Variants in GET1 observed in about 807,000 individuals in gnomAD.
GET1 encodes guided entry of tail-anchored proteins factor 1.
A neutral mutation model predicts 22.6 loss-of-function variants in GET1; 20 were observed. The observed-to-expected ratio is 0.89, with a 90% CI of 0.62 to 1.29. The LOEUF (loss-of-function observed/expected upper bound fraction) is 1.29, where lower values mean the gene tolerates loss of function less well. Ranked by LOEUF, GET1 falls within the 50% of genes most tolerant of loss-of-function variation. The pLI is 0.00. For missense variants in GET1, 209 were observed against 219.9 expected, an observed-to-expected ratio of 0.95 and a Z score of 0.31; for synonymous variants, 92 against 83.8, an observed-to-expected ratio of 1.10 and a Z score of -0.53.
At chr21:39,412,313 C>CG (rs771931249) in intron 1 of GET1, among the ~76,000 whole-genome samples, 98 of 152,046 alleles carry the variant, frequency 6.4e-4, no homozygotes, top group African/African-American at 2.1e-3. Context: ...AGACAAGGGC[C>CG]GGGGGGGAAG....
At chr21:39,400,160 AGGT>A (rs2147022950), downstream of GET1, among the ~76,000 whole-genome samples, 1 of 151,758 alleles carries the variant, frequency 6.6e-6, no homozygotes, top group South Asian at 2.1e-4. Flanking sequence ...ATCATGGGAG[AGGT>A]GTGTGTGTGT....
Position 39,397,407 on chromosome 21 carries a change from T to C in GET1, c.*468T>C, listed in dbSNP as rs1442320310. On this transcript the variant is annotated 3_prime_UTR_variant, in exon 5 of 5. Coordinates refer to ENST00000649170, the MANE Select transcript of GET1 (RefSeq NM_004627.6). The stretch of plus-strand genomic sequence containing the variant: ...ATTTCTTCTTTAATCACATTCAATA[T>C]GGTTAAAAGAACAACACTAATTGAC... The C allele has an allele frequency of 6.3e-6, 1 of 157,588 alleles. No individual in the cohort carries two copies. The highest frequency in any genetic ancestry group is 1.4e-5 in the Non-Finnish European group (1 of 71,526). The allele number at this position is 157,588 out of a possible 1,614,324, so 9.8% of individuals were successfully genotyped here.
intron 1 of GET1, chr21:39,387,808 G>T (rs1356175560): frequency 8.1e-6 from 8 of 985,636 alleles, no homozygotes; most frequent in Non-Finnish European, 8.4e-6. Flanking sequence ...CGGCTTCCAA[G>T]CTCTAAATGG....
At chr21:39,417,779 T>C (rs957677758) in intron 1 of GET1, among the ~76,000 whole-genome samples, 1 of 152,056 alleles carries the variant, frequency 6.6e-6, no homozygotes, top group East Asian at 1.9e-4. Context: ...TTTTAATTTT[T>C]TTTTGAGATG....
downstream of GET1, chr21:39,410,232 T>C (rs2039851428): frequency 4.4e-6 from 6 of 1,367,430 alleles, no homozygotes; most frequent in Non-Finnish European, 6.2e-6. Context: ...ACATGTTTAA[T>C]CAGACACTGC....
intron 1 of GET1, chr21:39,387,872 AGG>A (rs143349356): frequency 9.6e-6 from 8 of 830,070 alleles, no homozygotes; most frequent in East Asian, 1.2e-4. Context: ...TGGAAGGGGG[AGG>A]GGGGGGGATC....
chr21:39,390,585 C>A, intron 1 of GET1, 113 bp from the exon 2 acceptor site: 3 of 1,415,268 alleles, frequency 2.1e-6, no homozygotes, highest in Non-Finnish European at 2.8e-6. Context: ...GGGACGCACA[C>A]AACTGGCTGG....
chr21:39,384,127 T>C (rs1315154077), intron 1 of GET1, among the ~76,000 whole-genome samples: 1 of 152,002 alleles, frequency 6.6e-6, no homozygotes, highest in South Asian at 2.1e-4. Context: ...CTAATAGTGA[T>C]GTTGAGTATC....
intron 3 of GET1, among the ~76,000 whole-genome samples, chr21:39,392,586 A>G (rs1222308459): frequency 1.3e-5 from 2 of 152,208 alleles, no homozygotes; most frequent in African/African-American, 4.8e-5. Flanking sequence ...TGTTCAAGCC[A>G]GGAAGGGGAC....
In GET1 at chr21:39,393,500, T is replaced by C. The variant is rs182426741; in HGVS notation, c.451+220T>C. On this transcript the variant is annotated intron_variant, in intron 4 of 4. Coordinates refer to ENST00000649170, the MANE Select transcript of GET1 (RefSeq NM_004627.6). The stretch of plus-strand genomic sequence containing the variant: ...AAAATGTTAAGGAGCAAAGCTAGGA[T>C]TCAGTCCTAGGTCTGTTTCCGGGAT... Among the ~76,000 whole-genome samples the C allele has an allele frequency of 5.0e-4, 76 of 152,314 alleles. 1 individual carries two copies. Among genetic ancestry groups the C allele is most frequent in the Non-Finnish European group, 2.2e-4 (15 of 68,016 alleles).
chr21:39,397,903 C>G (rs1256751740), downstream of GET1: 1 of 152,150 alleles, frequency 6.6e-6, no homozygotes, highest in East Asian at 1.9e-4. Context: ...TCTGCAAGTT[C>G]ATATTTGTAC....
chr21:39,401,898 T>C (rs1296634497), downstream of GET1, among the ~76,000 whole-genome samples: 4 of 152,148 alleles, frequency 2.6e-5, no homozygotes, highest in African/African-American at 7.2e-5. Flanking sequence ...GCAGATTTAA[T>C]GTATAAATGT....
At chr21:39,385,283 C>T (rs971835375) in intron 1 of GET1, among the ~76,000 whole-genome samples, 3 of 152,126 alleles carry the variant, frequency 2.0e-5, no homozygotes, top group African/African-American at 7.2e-5. Flanking sequence ...TCAGTCTAGG[C>T]CGCACTGGTC....
intron 1 of GET1, among the ~76,000 whole-genome samples, chr21:39,423,735 C>T (rs2074137169): frequency 6.6e-6 from 1 of 152,156 alleles, no homozygotes; most frequent in Admixed American, 6.5e-5. Context: ...TATTTTATAG[C>T]TGGAGATTTT....
At chr21:39,400,840 AT>A (rs1601651506), downstream of GET1, among the ~76,000 whole-genome samples, 1 of 152,000 alleles carries the variant, frequency 6.6e-6, no homozygotes, top group East Asian at 1.9e-4. Context: ...TTTAGCCAAT[AT>A]TGTGGGAAAG....
intron 1 of GET1, chr21:39,421,705 C>T (rs2073798839): frequency 6.6e-6 from 1 of 152,096 alleles, no homozygotes; most frequent in African/African-American, 2.4e-5. Flanking sequence ...CTTTCCCAAA[C>T]AGGAAAAGTG....
At chr21:39,383,270 ATTTAT>A (rs1344971508) in intron 1 of GET1, among the ~76,000 whole-genome samples, 2 of 122,672 alleles carry the variant, frequency 1.6e-5, no homozygotes, top group Non-Finnish European at 3.5e-5. Flanking sequence ...TTTTTTTATT[ATTTAT>A]TTTATTTTGT....
intron 4 of GET1, among the ~76,000 whole-genome samples, chr21:39,403,344 T>A (rs1032213536): frequency 3.2e-4 from 48 of 152,214 alleles, no homozygotes; most frequent in Non-Finnish European, 4.1e-4. Flanking sequence ...TTAATTAGTT[T>A]GACACGGAGT....
In GET1 at chr21:39,397,015, T is replaced by C. The variant is rs1439309711; in HGVS notation, c.*76T>C. 1.2e-5 allele frequency: 18 copies of C among 1,533,282 alleles called. No homozygotes were observed. Among genetic ancestry groups the C allele is most frequent in the Middle Eastern group, 3.4e-4 (2 of 5,848 alleles). 95.0% of individuals were successfully genotyped at this position (1,533,282 alleles called of 1,614,324 possible). A position where few individuals can be genotyped will look rare whatever the true frequency, so the allele number is the denominator to read the frequency against. On this transcript the variant is annotated 3_prime_UTR_variant, in exon 5 of 5. Coordinates refer to ENST00000649170, the MANE Select transcript of GET1 (RefSeq NM_004627.6). ...AGCTTAAAATCTGATTTACACTGTT[T>C]TGTTTTTTAAGAAACAAAAGTGCAT...
Sources: gnomAD v4.1 joint callset for allele counts (sites outside exome capture counted in the v4.1 genomes callset) on GRCh38, gnomAD v4.1.1 for gene constraint, MANE v1.5 for transcripts, NCBI Gene and HGNC (gene_info 2026-07-23, HGNC 2026-07-21) for gene names.